NXPE4: variants seen among roughly 807,000 people sequenced by gnomAD.
NXPE4 encodes neurexophilin and PC-esterase domain family member 4.
NXPE4 carries 42 observed loss-of-function variants against 33.3 expected under a neutral mutation model. That is an observed-to-expected ratio of 1.26 (90% CI 0.98 to 1.63). NXPE4 has a LOEUF of 1.63. Ranked by LOEUF, NXPE4 falls within the 40% of genes most tolerant of loss-of-function variation. The probability of loss-of-function intolerance (pLI) is 0.00; values close to 1 mark genes in which losing one functional copy is unlikely to be tolerated. For synonymous variants in NXPE4, 253 were observed against 234.9 expected (o/e 1.08, Z -0.71); for missense variants, 709 against 647.6 (o/e 1.09, Z -1.03).
the NXPE4 span, among the ~76,000 whole-genome samples, chr11:114,651,501 G>C: frequency 2.6e-5 from 4 of 152,186 alleles, no homozygotes; most frequent in African/African-American, 9.7e-5. Flanking sequence ...AAGAGCAAAA[G>C]AACAAACCTG....
At chr11:114,596,177 T>G (rs1949570093), upstream of NXPE4, among the ~76,000 whole-genome samples, 1 of 152,176 alleles carries the variant, frequency 6.6e-6, no homozygotes, top group Non-Finnish European at 1.5e-5. Context: ...TTCAATACAA[T>G]TTGCTGAATT....
intron 2 of NXPE4, among the ~76,000 whole-genome samples, chr11:114,591,760 C>G (rs1037428124): frequency 3.3e-5 from 5 of 152,056 alleles, no homozygotes; most frequent in South Asian, 2.1e-4. Flanking sequence ...ATTCCAGGCC[C>G]CTGTATGATG....
At chr11:114,589,924 T>C (rs1949404497) in intron 2 of NXPE4, among the ~76,000 whole-genome samples, 1 of 152,218 alleles carries the variant, frequency 6.6e-6, no homozygotes, top group Non-Finnish European at 1.5e-5. Flanking sequence ...ACCTAATCCC[T>C]ATACCTTGCT....
chr11:114,632,718 T>TA, the NXPE4 span, among the ~76,000 whole-genome samples: 1 of 67,664 alleles, frequency 1.5e-5, no homozygotes, highest in Admixed American at 3.0e-4. Context: ...TAATATAATA[T>TA]ATATAATATA....
the NXPE4 span, among the ~76,000 whole-genome samples, chr11:114,658,502 A>C: frequency 6.6e-6 from 1 of 152,074 alleles, no homozygotes; most frequent in East Asian, 1.9e-4. Flanking sequence ...GCAGGCCTGG[A>C]GGGGGAGGGT....
intron 5 of NXPE4, among the ~76,000 whole-genome samples, chr11:114,577,161 C>CATATATATAT (rs373459330): frequency 8.2e-5 from 11 of 134,574 alleles, no homozygotes; most frequent in African/African-American, 2.5e-4. Context: ...ATATATGTGT[C>CATATATATAT]ATATATATAT....
chr11:114,603,410 G>C, the NXPE4 span, among the ~76,000 whole-genome samples: 3 of 151,122 alleles, frequency 2.0e-5, no homozygotes, highest in Non-Finnish European at 4.4e-5. Context: ...CTATTACCTG[G>C]TGGATGATAA....
chr11:114,573,572 A>G (rs1184545403), intron 5 of NXPE4, among the ~76,000 whole-genome samples: 2 of 152,162 alleles, frequency 1.3e-5, no homozygotes, highest in Non-Finnish European at 2.9e-5. Context: ...AGCAATTCTT[A>G]TATCAGACAA....
chr11:114,597,692 T>C (rs1264049770), upstream of NXPE4, among the ~76,000 whole-genome samples: 1 of 152,002 alleles, frequency 6.6e-6, no homozygotes, highest in Non-Finnish European at 1.5e-5. Context: ...TGTCAGGGGA[T>C]ATGAAATGAG....
chr11:114,646,035 G>A, the NXPE4 span, among the ~76,000 whole-genome samples: 6 of 152,040 alleles, frequency 3.9e-5, no homozygotes, highest in Non-Finnish European at 5.9e-5. Context: ...GATTTTGCTA[G>A]GTTAAATGCA....
At chr11:114,600,369 A>C (rs1008573750), upstream of NXPE4, among the ~76,000 whole-genome samples, 5 of 152,174 alleles carry the variant, frequency 3.3e-5, no homozygotes, top group African/African-American at 7.2e-5. Context: ...ATAGTTATAC[A>C]TGAAATGACC....
chr11:114,674,728 G>T, the NXPE4 span, among the ~76,000 whole-genome samples: 9 of 151,694 alleles, frequency 5.9e-5, no homozygotes, highest in Non-Finnish European at 1.0e-4. Flanking sequence ...AAACATTAAA[G>T]AAGAAATAAT....
the NXPE4 span, among the ~76,000 whole-genome samples, chr11:114,623,581 C>A: frequency 2.6e-5 from 4 of 151,714 alleles, no homozygotes; most frequent in Non-Finnish European, 5.9e-5. Context: ...ACCACTGTTA[C>A]CCTTGGAAAA....
intron 5 of NXPE4, among the ~76,000 whole-genome samples, chr11:114,576,336 C>T (rs761957532): frequency 2.1e-5 from 3 of 139,928 alleles, no homozygotes; most frequent in Non-Finnish European, 4.7e-5. Context: ...GCAACAAAAA[C>T]AAACATAAAT....
chr11:114,640,083 A>T, the NXPE4 span, among the ~76,000 whole-genome samples: 6 of 117,152 alleles, frequency 5.1e-5, no homozygotes, highest in Non-Finnish European at 9.8e-5. Context: ...TATATAATAT[A>T]ATGTAATATA....
chr11:114,572,130 G>T (rs915991217), intron 5 of NXPE4, among the ~76,000 whole-genome samples: 1 of 152,078 alleles, frequency 6.6e-6, no homozygotes, highest in African/African-American at 2.4e-5. Flanking sequence ...GCTCCACTGG[G>T]TTGCGAGACT....
At chr11:114,678,038 G>T in the NXPE4 span, among the ~76,000 whole-genome samples, 1 of 152,076 alleles carries the variant, frequency 6.6e-6, no homozygotes, top group Non-Finnish European at 1.5e-5. Context: ...TTAAATCATC[G>T]CTGTGGGACT....
chr11:114,640,029 C>T, the NXPE4 span, among the ~76,000 whole-genome samples: 3 of 115,276 alleles, frequency 2.6e-5, no homozygotes, highest in African/African-American at 1.1e-4. Context: ...TATAATGTAA[C>T]ATAATTATAT....
the NXPE4 span, among the ~76,000 whole-genome samples, chr11:114,611,516 A>C: frequency 8.6e-5 from 13 of 152,032 alleles, no homozygotes; most frequent in African/African-American, 2.9e-4. Context: ...CTCATGAGTA[A>C]CCACTGTTAC....
Sources: allele counts gnomAD v4.1 joint callset (sites outside exome capture counted in the v4.1 genomes callset), GRCh38; gene constraint gnomAD v4.1.1; transcripts MANE v1.5; gene names NCBI Gene and HGNC (gene_info 2026-07-23, HGNC 2026-07-21).